TXLNB: variants seen among roughly 807,000 people sequenced by gnomAD.
TXLNB encodes the protein taxilin beta, also known as beta-taxilin.
TXLNB carries 37 observed loss-of-function variants against 57.4 expected under a neutral mutation model. The observed-to-expected ratio is 0.64, with a 90% CI of 0.50 to 0.85. The LOEUF is 0.85. Among genes scored for constraint, TXLNB ranks in the 40% least tolerant of loss-of-function variants. TXLNB has a pLI of 0.00. For synonymous variants in TXLNB, 302 were observed against 309.6 expected, an observed-to-expected ratio of 0.98 and a Z score of 0.26; for missense variants, 848 against 825.6, an observed-to-expected ratio of 1.03 and a Z score of -0.33.
intron 7 of TXLNB, 32 bp from the exon 8 acceptor site, chr6:139,247,941 A>C (rs750656931): frequency 7.7e-7 from 1 of 1,298,772 alleles, no homozygotes; most frequent in East Asian, 2.4e-5. Flanking sequence ...GATCTTTCAG[A>C]ATACTTCCAG....
At chr6:139,164,426 G>A in the TXLNB span, among the ~76,000 whole-genome samples, 4 of 152,080 alleles carry the variant, frequency 2.6e-5, no homozygotes, top group Admixed American at 6.5e-5. Context: ...GAGTGCTCAG[G>A]CCTAGTGATG....
At chr6:139,195,895 G>C in the TXLNB span, among the ~76,000 whole-genome samples, 3 of 151,842 alleles carry the variant, frequency 2.0e-5, no homozygotes, top group African/African-American at 7.3e-5. Flanking sequence ...CGTCTGCTGA[G>C]GTGAACTAAA....
At chr6:139,178,068 A>AG in the TXLNB span, 8 of 152,376 alleles carry the variant, frequency 5.3e-5, no homozygotes, top group East Asian at 3.9e-4. Flanking sequence ...TTCCAAAATC[A>AG]AAGATTTGAC....
the TXLNB span, chr6:139,180,946 C>T: frequency 6.6e-6 from 1 of 152,096 alleles, no homozygotes; most frequent in Non-Finnish European, 1.5e-5. Context: ...ACTCCTGCAG[C>T]TAATAAAAAA....
At chr6:139,271,877 A>G (rs1158908375) in intron 3 of TXLNB, 1 of 152,264 alleles carries the variant, frequency 6.6e-6, no homozygotes, top group Non-Finnish European at 1.5e-5. Flanking sequence ...TAGTCCTAAT[A>G]ACGACTTTGT....
downstream of TXLNB, chr6:139,239,058 C>T (rs537699848): frequency 4.6e-5 from 7 of 152,356 alleles, no homozygotes; most frequent in Admixed American, 3.9e-4. This position sits in a 1 kb window ranked among gnomAD's most constrained non-coding sequence, Gnocchi z 4.7. Flanking sequence ...CCAAAAGGAG[C>T]AAAATCAGTC....
chr6:139,262,857 G>A, intron 4 of TXLNB, 84 bp from the exon 5 acceptor site: 2 of 1,354,296 alleles, frequency 1.5e-6, no homozygotes, highest in Non-Finnish European at 2.0e-6. Flanking sequence ...GGAGATAAGT[G>A]TGCAGAGTAG....
the TXLNB span, among the ~76,000 whole-genome samples, chr6:139,310,335 T>C: frequency 0.024 from 3,723 of 152,310 alleles, 153 homozygotes; most frequent in African/African-American, 0.085. Flanking sequence ...GAGCAGATAT[T>C]TCTCCACAGA....
At chr6:139,179,039 T>G in the TXLNB span, 2 of 152,172 alleles carry the variant, frequency 1.3e-5, no homozygotes, top group African/African-American at 4.8e-5. Context: ...TGGGAAGAAA[T>G]GCATAAAATG....
chr6:139,296,150 C>T (rs1583037364), upstream of TXLNB, among the ~76,000 whole-genome samples: 1 of 152,076 alleles, frequency 6.6e-6, no homozygotes, highest in East Asian at 1.9e-4. Flanking sequence ...TGTTGCCTGG[C>T]TCCTATTCTT....
At chr6:139,306,094 G>C in the TXLNB span, among the ~76,000 whole-genome samples, 7 of 152,108 alleles carry the variant, frequency 4.6e-5, no homozygotes, top group Non-Finnish European at 1.5e-5. Context: ...AAACAAGAAT[G>C]GTGTATTTTA....
At chr6:139,180,397 C>T in the TXLNB span, 9 of 152,626 alleles carry the variant, frequency 5.9e-5, no homozygotes, top group African/African-American at 2.2e-4. Flanking sequence ...AGGTCAGGAA[C>T]TCCAGTTTGC....
chr6:139,321,442 C>T, the TXLNB span, among the ~76,000 whole-genome samples: 21 of 152,156 alleles, frequency 1.4e-4, no homozygotes, highest in South Asian at 1.0e-3. Flanking sequence ...TTGGGTCTCC[C>T]GGCCTCCAGA....
the TXLNB span, among the ~76,000 whole-genome samples, chr6:139,200,719 C>G: frequency 6.6e-6 from 1 of 152,124 alleles, no homozygotes; most frequent in Non-Finnish European, 1.5e-5. Flanking sequence ...TTTCACTTCC[C>G]TGTTAACAAA....
the TXLNB span, among the ~76,000 whole-genome samples, chr6:139,307,106 C>G: frequency 2.0e-5 from 3 of 152,158 alleles, no homozygotes; most frequent in Non-Finnish European, 4.4e-5. Flanking sequence ...AAGCCTATGG[C>G]TACATCTTCA....
chr6:139,279,513 T>C (rs371534728), intron 2 of TXLNB, among the ~76,000 whole-genome samples: 2 of 152,182 alleles, frequency 1.3e-5, no homozygotes, highest in East Asian at 1.9e-4. Flanking sequence ...AAACTGGAGA[T>C]GGGCATGTGC....
At chr6:139,172,022 G>A in the TXLNB span, among the ~76,000 whole-genome samples, 1 of 152,046 alleles carries the variant, frequency 6.6e-6, no homozygotes, top group Non-Finnish European at 1.5e-5. Flanking sequence ...GTAGAGATGG[G>A]GTTTCACCAT....
the TXLNB span, among the ~76,000 whole-genome samples, chr6:139,214,710 G>A: frequency 4.6e-5 from 7 of 152,198 alleles, no homozygotes; most frequent in Admixed American, 1.3e-4. Flanking sequence ...CAGATGACAC[G>A]ATTGTATATC....
chr6:139,173,066 A>G, the TXLNB span, among the ~76,000 whole-genome samples: 17 of 152,302 alleles, frequency 1.1e-4, no homozygotes, highest in Admixed American at 3.9e-4. Context: ...AGTGCAAATG[A>G]AATTTTTTCC....
Sources: allele counts gnomAD v4.1 joint callset (sites outside exome capture counted in the v4.1 genomes callset), GRCh38; gene constraint gnomAD v4.1.1; non-coding constraint Gnocchi (gnomAD v3.1); transcripts MANE v1.5; gene names NCBI Gene and HGNC (gene_info 2026-07-23, HGNC 2026-07-21).